PTPMT1: variants seen among roughly 807,000 people sequenced by gnomAD.
PTPMT1 encodes protein tyrosine phosphatase mitochondrial 1.
Under a neutral mutation model 17.8 loss-of-function variants are expected in PTPMT1, and 12 were observed. The ratio of observed to expected loss-of-function variants is 0.67; its 90% CI spans 0.43 to 1.09. PTPMT1 has a LOEUF of 1.09. Ranked by LOEUF, PTPMT1 falls within the 50% of genes least tolerant of loss-of-function variation. The pLI, the probability that PTPMT1 is intolerant of heterozygous loss-of-function variation, is 0.00. For synonymous variants in PTPMT1, 132 were observed against 116.8 expected (o/e 1.13, Z -0.84); for missense variants, 262 against 266.0 (o/e 0.99, Z 0.10).
chr11:47,567,559 C>CTTTTTTTTTT (rs370022255), intron 2 of PTPMT1, among the ~76,000 whole-genome samples: 6 of 116,136 alleles, frequency 5.2e-5, no homozygotes, highest in East Asian at 2.5e-4. Flanking sequence ...TATTTCTTTT[C>CTTTTTTTTTT]TTTTTTTTTT....
intron 2 of PTPMT1, 41 bp downstream of exon 2, chr11:47,566,027 C>A (rs773773964): frequency 2.2e-6 from 3 of 1,361,022 alleles, no homozygotes; most frequent in South Asian, 2.8e-5. Flanking sequence ...GGGCCCGCTC[C>A]CCCTCGCCCA....
Position 47,573,122 on chromosome 11 carries a change from G to A in PTPMT1, c.*1493G>A, listed in dbSNP as rs1485827376. 6.2e-7 allele frequency: 1 copy of A among 1,614,186 alleles called. No homozygotes were observed. Among genetic ancestry groups the A allele is most frequent in the Admixed American group, 1.7e-5 (1 of 60,026 alleles). The stretch of plus-strand genomic sequence containing the variant: ...GGGCAGAGCTCCAGGCCTCAGGAAG[G>A]CAAAGCCGGGTGAAGCTGTCTAGCA... On this transcript the variant is annotated 3_prime_UTR_variant, in exon 4 of 4. Coordinates refer to ENST00000326674, the MANE Select transcript of PTPMT1 (RefSeq NM_175732.3). The surrounding 1 kb of genome is among the most constrained non-coding windows in gnomAD (Gnocchi z 4.1).
chr11:47,572,845 A>AT lies in PTPMT1; in HGVS notation c.*1217dup. Reference sequence around the variant, plus strand: ...CTTTCTAGTATGTGCCAAAAAAAACATAACTCTGAATTGGGGCCCAGGGGA... The same window carrying AT: ...CTTTCTAGTATGTGCCAAAAAAAACATTAACTCTGAATTGGGGCCCAGGGGA... On this transcript the variant is annotated 3_prime_UTR_variant, in exon 4 of 4. Transcript: ENST00000326674. 1 of 1,443,616 alleles carries AT rather than the reference A, an allele frequency of 6.9e-7. No homozygotes were observed. The highest frequency in any genetic ancestry group is 2.2e-5 in the Admixed American group (1 of 45,446). The allele number at this position is 1,443,616 out of a possible 1,614,324, so 89.4% of individuals were successfully genotyped here. A position where few individuals can be genotyped will look rare whatever the true frequency, so the allele number is the denominator to read the frequency against.
At chr11:47,568,379 CA>C (rs1006726605) in intron 2 of PTPMT1, among the ~76,000 whole-genome samples, 3 of 151,614 alleles carry the variant, frequency 2.0e-5, no homozygotes, top group Non-Finnish European at 2.9e-5. Flanking sequence ...CAAAATTATG[CA>C]AAAAAATTAC....
At position 47,573,192 on chromosome 11, in the gene PTPMT1, A is replaced by G; in HGVS notation, c.*1563A>G. 1 of 1,614,168 alleles carries G rather than the reference A, an allele frequency of 6.2e-7. No individual in the cohort carries two copies. Among genetic ancestry groups the G allele is most frequent in the Admixed American group, 1.7e-5 (1 of 60,018 alleles). On this transcript the variant is annotated 3_prime_UTR_variant, in exon 4 of 4. Transcript: ENST00000326674. The surrounding 1 kb of genome is among the most constrained non-coding windows in gnomAD (Gnocchi z 4.1). ...GGAGTCCCCTTCAGCCACGATGAAC[A>G]CCAGATCTTTATGCACAGCTGCGTG... is the stretch of plus-strand genomic sequence containing the variant.
chr11:47,571,403 C>T (rs1022922987), intron 3 of PTPMT1, 68 bp from the exon 4 acceptor site: 7 of 1,446,026 alleles, frequency 4.8e-6, no homozygotes, highest in African/African-American at 1.4e-5. Flanking sequence ...AGCACCTGCT[C>T]ATGGGTCAAG....
chr11:47,573,314 G>A lies in PTPMT1; in HGVS notation c.*1685G>A. On this transcript the variant is annotated 3_prime_UTR_variant, in exon 4 of 4. Coordinates refer to ENST00000326674, the MANE Select transcript of PTPMT1 (RefSeq NM_175732.3). This position sits in a 1 kb window ranked among gnomAD's most constrained non-coding sequence, Gnocchi z 4.1. ...TGAGTCGGGAAGGTTTGGTAAAGAA[G>A]TCCAGATCATTCTCCTCCCCCCCTA... The A allele has an allele frequency of 6.2e-7, 1 of 1,614,184 alleles. No individual in the cohort carries two copies. Among genetic ancestry groups the A allele is most frequent in the Non-Finnish European group, 8.5e-7 (1 of 1,180,042 alleles).
Position 47,572,763 on chromosome 11 carries a change from T to C in PTPMT1, c.*1134T>C. 1 of 694,936 alleles carries C rather than the reference T, an allele frequency of 1.4e-6. No individual in the cohort carries two copies. The highest frequency in any genetic ancestry group is 1.8e-5 in the African/African-American group (1 of 55,642). The allele number at this position is 694,936 out of a possible 1,614,324, so 43.0% of individuals were successfully genotyped here. A position where few individuals can be genotyped will look rare whatever the true frequency, so the allele number is the denominator to read the frequency against. On this transcript the variant is annotated 3_prime_UTR_variant, in exon 4 of 4. Transcript: ENST00000326674. ...CAAGCAACCAGCTGAGCAGCAGCAG[T>C]CTAAAAAGCCCCAAACAGAACACCT...
At position 47,565,890 on chromosome 11, in the gene PTPMT1, C is replaced by G; in HGVS notation, c.175-16C>G. The G allele has an allele frequency of 6.2e-7, 1 of 1,612,568 alleles. No individual in the cohort carries two copies. Among genetic ancestry groups the G allele is most frequent in the Non-Finnish European group, 8.5e-7 (1 of 1,179,534 alleles). ...GTCTCCACCGTCTTTGCTGAGCCAC[C>G]TCTTTGCCTCGGCAGCTGGTACAGG... On this transcript the variant is annotated splice_polypyrimidine_tract_variant and intron_variant, in intron 1 of 3. Coordinates refer to ENST00000326674, the MANE Select transcript of PTPMT1 (RefSeq NM_175732.3).
chr11:47,571,179 G>C (rs2097249443), intron 3 of PTPMT1, among the ~76,000 whole-genome samples: 1 of 152,156 alleles, frequency 6.6e-6, no homozygotes, highest in African/African-American at 2.4e-5. Flanking sequence ...CTTGAACTTA[G>C]GATCTCAGCT....
At chr11:47,570,228 A>G (rs890241187) in intron 3 of PTPMT1, among the ~76,000 whole-genome samples, 1 of 147,860 alleles carries the variant, frequency 6.8e-6, no homozygotes, top group Non-Finnish European at 1.5e-5. Flanking sequence ...GGTCCCATTT[A>G]TAGCAGATTT....
chr11:47,572,637 G>A lies in PTPMT1; in HGVS notation c.*1008G>A, dbSNP rs1312388025. 3.7e-5 allele frequency: 16 copies of A among 428,630 alleles called. No individual in the cohort carries two copies. Among genetic ancestry groups the A allele is most frequent in the Non-Finnish European group, 6.3e-5 (15 of 238,382 alleles). 26.6% of individuals were successfully genotyped at this position (428,630 alleles called of 1,614,324 possible). A position where few individuals can be genotyped will look rare whatever the true frequency, so the allele number is the denominator to read the frequency against. On this transcript the variant is annotated 3_prime_UTR_variant, in exon 4 of 4. Transcript: ENST00000326674. ...TAACATTGATCAGGTAAAGAGGAGAGGCTGTGCCTAAGGTCTGAGAAAAGG... is the reference window on the plus strand; with the variant it reads ...TAACATTGATCAGGTAAAGAGGAGAAGCTGTGCCTAAGGTCTGAGAAAAGG...
At position 47,572,966 on chromosome 11, in the gene PTPMT1, C is replaced by G. The variant is rs760009912; in HGVS notation, c.*1337C>G. 1.2e-6 allele frequency: 2 copies of G among 1,614,034 alleles called. No homozygotes were observed. Among genetic ancestry groups the G allele is most frequent in the African/African-American group, 2.7e-5 (2 of 74,910 alleles). On this transcript the variant is annotated 3_prime_UTR_variant, in exon 4 of 4. Transcript: ENST00000326674. The stretch of plus-strand genomic sequence containing the variant: ...CAAACTGCAAATTGGTAAGCAGCAC[C>G]TTAATACCTCTTGTGACAGTTACGG...
At chr11:47,566,978 G>A (rs1214480811) in intron 2 of PTPMT1, among the ~76,000 whole-genome samples, 1 of 151,954 alleles carries the variant, frequency 6.6e-6, no homozygotes, top group African/African-American at 2.4e-5. Context: ...TTTTTTTAAT[G>A]TTGCCCTATC....
At position 47,569,850 on chromosome 11, in the gene PTPMT1, C is replaced by T. The variant is rs779209792; in HGVS notation, c.406C>T (p.Arg136Cys). 22 of 1,613,570 alleles carry T rather than the reference C, an allele frequency of 1.4e-5. No individual in the cohort carries two copies. The highest frequency in any genetic ancestry group is 1.7e-4 in the Middle Eastern group (1 of 5,846). Residue 136 changes from arginine (R) to cysteine (C), a missense_variant, in exon 3 of 4, where the codon CGC becomes TGC. Arg to Cys is a radical substitution (Grantham distance 180, BLOSUM62 -3). Coordinates refer to ENST00000326674, the MANE Select transcript of PTPMT1 (RefSeq NM_175732.3). ...QCVYVHCKAG[R>C]SRSATMVAAY... ...TGTTTACGTGCATTGTAAGGCTGGG[C>T]GCTCCAGGAGTGCCACTATGGTGGC...
chr11:47,572,805 G>GAAA lies in PTPMT1; in HGVS notation c.*1176_*1177insAAA, dbSNP rs2097251554. The GAAA allele has an allele frequency of 1.0e-6, 1 of 980,788 alleles. No homozygotes were observed. The highest frequency in any genetic ancestry group is 1.5e-6 in the Non-Finnish European group (1 of 669,804). 60.8% of individuals were successfully genotyped at this position (980,788 alleles called of 1,614,324 possible). ...AGAACACCTCCATGGATTCAGGGAA[G>GAAA]GGCTGAGGCACTGCCTTTCTAGTAT... is the stretch of plus-strand genomic sequence containing the variant. On this transcript the variant is annotated 3_prime_UTR_variant, in exon 4 of 4. Coordinates refer to ENST00000326674, the MANE Select transcript of PTPMT1 (RefSeq NM_175732.3).
chr11:47,573,256 G>A lies in PTPMT1; in HGVS notation c.*1627G>A. The A allele has an allele frequency of 1.2e-6, 2 of 1,614,152 alleles. No individual in the cohort carries two copies. The highest frequency in any genetic ancestry group is 1.7e-6 in the Non-Finnish European group (2 of 1,180,028). Reference sequence around the variant, plus strand: ...AAGGGCAGCACATAGGGCTTCACATGGCATTTGTCTGTCTCTGTGTCAAAG... The same window carrying A: ...AAGGGCAGCACATAGGGCTTCACATAGCATTTGTCTGTCTCTGTGTCAAAG... On this transcript the variant is annotated 3_prime_UTR_variant, in exon 4 of 4. Coordinates refer to ENST00000326674, the MANE Select transcript of PTPMT1 (RefSeq NM_175732.3). The surrounding 1 kb of genome is among the most constrained non-coding windows in gnomAD (Gnocchi z 4.1).
chr11:47,569,109 G>A (rs2097248035), intron 2 of PTPMT1, among the ~76,000 whole-genome samples: 1 of 152,122 alleles, frequency 6.6e-6, no homozygotes, highest in Non-Finnish European at 1.5e-5. Flanking sequence ...TTTACCTGCT[G>A]GTGTGGTGGC....
Position 47,572,905 on chromosome 11 carries a change from C to T in PTPMT1, c.*1276C>T. 1 of 1,592,298 alleles carries T rather than the reference C, an allele frequency of 6.3e-7. No homozygotes were observed. The highest frequency in any genetic ancestry group is 8.6e-7 in the Non-Finnish European group (1 of 1,167,000). ...TGTATGGGGAGGGAAAAGGAGTGAG[C>T]AGTTCTCCTCCCCTCCCCACAGCCT... On this transcript the variant is annotated 3_prime_UTR_variant, in exon 4 of 4. Coordinates refer to ENST00000326674, the MANE Select transcript of PTPMT1 (RefSeq NM_175732.3).
Sources: gnomAD v4.1 joint callset for allele counts (sites outside exome capture counted in the v4.1 genomes callset) on GRCh38, gnomAD v4.1.1 for gene constraint, Gnocchi (gnomAD v3.1) non-coding constraint, MANE v1.5 for transcripts, NCBI Gene and HGNC (gene_info 2026-07-23, HGNC 2026-07-21) for gene names.